RPL37: variants seen among roughly 807,000 people sequenced by gnomAD.
The protein encoded by RPL37 is ribosomal protein L37.
In RPL37, 1 loss-of-function variant was observed where a neutral mutation model predicts 14.8. The observed-to-expected ratio is 0.07, with a 90% confidence interval of 0.02 to 0.32. The LOEUF (loss-of-function observed/expected upper bound fraction) is 0.32, where lower values mean the gene tolerates loss of function less well. Among genes scored for constraint, RPL37 ranks in the 10% least tolerant of loss-of-function variants. The pLI is 1.00. For synonymous variants in RPL37, 53 were observed against 45.8 expected (o/e 1.16, Z -0.63); for missense variants, 100 against 128.3 (o/e 0.78, Z 1.06).
intron 3 of RPL37, among the ~76,000 whole-genome samples, chr5:40,833,422 C>A (rs887421272): frequency 3.2e-4 from 48 of 152,180 alleles, no homozygotes; most frequent in African/African-American, 1.1e-3. Flanking sequence ...TAGCTGAGAT[C>A]TTAGATGGGT....
rs1374428847 is a variant in RPL37 at position 40,831,129 on chromosome 5, A to T, written c.*1375T>A. 4 of 152,164 alleles carry T rather than the reference A, an allele frequency of 2.6e-5. No individual in the cohort carries two copies. The highest frequency in any genetic ancestry group is 9.7e-5 in the African/African-American group (4 of 41,428). The allele number at this position is 152,164 out of a possible 1,614,324, so 9.4% of individuals were successfully genotyped here. On this transcript the variant is annotated 3_prime_UTR_variant, in exon 4 of 4. Transcript: ENST00000274242. Reference sequence around the variant, plus strand: ...GTGAATCTCCATCTCTACAAAAAACACAAAAATTAGCCAGGTGTGGTGGTG... The same window carrying T: ...GTGAATCTCCATCTCTACAAAAAACTCAAAAATTAGCCAGGTGTGGTGGTG...
At chr5:40,832,613 C>T (rs777601612) in intron 3 of RPL37, 40 bp from the exon 4 acceptor site, 2 of 1,460,260 alleles carry the variant, frequency 1.4e-6, no homozygotes, top group African/African-American at 1.4e-5. Context: ...ACTTCAGCAA[C>T]ATCGATGCAT....
At chr5:40,834,388 C>T (rs1745716371) in intron 2 of RPL37, 83 bp downstream of exon 2, 1 of 1,581,916 alleles carries the variant, frequency 6.3e-7, no homozygotes, top group South Asian at 1.1e-5. Flanking sequence ...AAGATAGGCA[C>T]CAAATAAAGT....
In RPL37 at chr5:40,828,915, C is replaced by G. The variant is rs1211261801; in HGVS notation, c.*3589G>C. On this transcript the variant is annotated 3_prime_UTR_variant, in exon 4 of 4. Coordinates refer to ENST00000274242, the MANE Select transcript of RPL37 (RefSeq NM_000997.5). Reference sequence around the variant, plus strand: ...CTTCTCCCTCTCTCCACTTCTGTCTCCAATGGACATCTCCCCAAATCTTAC... The same window carrying G: ...CTTCTCCCTCTCTCCACTTCTGTCTGCAATGGACATCTCCCCAAATCTTAC... 2 of 152,198 alleles carry G rather than the reference C, an allele frequency of 1.3e-5. No individual in the cohort carries two copies. The highest frequency in any genetic ancestry group is 1.5e-5 in the Non-Finnish European group (1 of 68,044). The allele number at this position is 152,198 out of a possible 1,614,324, so 9.4% of individuals were successfully genotyped here. A position where few individuals can be genotyped will look rare whatever the true frequency, so the allele number is the denominator to read the frequency against.
chr5:40,826,771 G>C lies in RPL37; in HGVS notation c.*5733C>G, dbSNP rs1241853645. The C allele has an allele frequency of 6.6e-6, 1 of 152,100 alleles. No individual in the cohort carries two copies. Among genetic ancestry groups the C allele is most frequent in the African/African-American group, 2.4e-5 (1 of 41,376 alleles). 9.4% of individuals were successfully genotyped at this position (152,100 alleles called of 1,614,324 possible). On this transcript the variant is annotated 3_prime_UTR_variant, in exon 4 of 4. Transcript: ENST00000274242. ...CCTCAGGACTGAGGCTGGATACTAA[G>C]GGTTAGGAAAGAATTACAGACTTTT... is the stretch of plus-strand genomic sequence containing the variant.
At position 40,826,724 on chromosome 5, in the gene RPL37, T is replaced by C. The variant is rs929357644; in HGVS notation, c.*5780A>G. ...CACTCAGGAGAGAGCCGGCATAAAA[T>C]AGCCCCCAGAGGTAAAGAAAACCTC... On this transcript the variant is annotated 3_prime_UTR_variant, in exon 4 of 4. Coordinates refer to ENST00000274242, the MANE Select transcript of RPL37 (RefSeq NM_000997.5). The C allele has an allele frequency of 6.6e-6, 1 of 152,198 alleles. No homozygotes were observed. Among genetic ancestry groups the C allele is most frequent in the Non-Finnish European group, 1.5e-5 (1 of 68,062 alleles). The allele number at this position is 152,198 out of a possible 1,614,324, so 9.4% of individuals were successfully genotyped here. A position where few individuals can be genotyped will look rare whatever the true frequency, so the allele number is the denominator to read the frequency against.
Position 40,828,070 on chromosome 5 carries a change from C to T in RPL37, c.*4434G>A, listed in dbSNP as rs1172933954. ...AATAATTCTGTAATGTATTGCTTTG[C>T]TTTTCTTACATGAAGTTATGCTATT... On this transcript the variant is annotated 3_prime_UTR_variant, in exon 4 of 4. Transcript: ENST00000274242. The T allele has an allele frequency of 6.6e-6, 1 of 152,146 alleles. No homozygotes were observed. The highest frequency in any genetic ancestry group is 1.5e-5 in the Non-Finnish European group (1 of 68,020). 9.4% of individuals were successfully genotyped at this position (152,146 alleles called of 1,614,324 possible). A position where few individuals can be genotyped will look rare whatever the true frequency, so the allele number is the denominator to read the frequency against.
chr5:40,834,646 C>T, intron 1 of RPL37, 40 bp from the exon 2 acceptor site: 1 of 1,555,714 alleles, frequency 6.4e-7, no homozygotes, highest in African/African-American at 1.4e-5. Flanking sequence ...AACCTGGCAA[C>T]TTCTAGATTT....
intron 2 of RPL37, 101 bp downstream of exon 2, chr5:40,834,370 C>CA: frequency 6.4e-7 from 1 of 1,569,292 alleles, no homozygotes; most frequent in Non-Finnish European, 8.7e-7. Context: ...TACAGATGTA[C>CA]GAGTTTTAAG....
intron 3 of RPL37, among the ~76,000 whole-genome samples, chr5:40,833,503 C>A (rs1484517349): frequency 6.6e-6 from 1 of 152,188 alleles, no homozygotes; most frequent in Non-Finnish European, 1.5e-5. Context: ...TGAGATTCTG[C>A]ATTTATAACT....
intron 1 of RPL37, 62 bp from the exon 2 acceptor site, chr5:40,834,668 C>T (rs1197065591): frequency 2.6e-6 from 4 of 1,518,526 alleles, no homozygotes; most frequent in Admixed American, 2.2e-5. Flanking sequence ...CTCGAGTTCT[C>T]CGGGAAACCA....
chr5:40,834,232 G>A lies in RPL37; in HGVS notation c.173C>T (p.Thr58Ile). 6.2e-7 allele frequency: 1 copy of A among 1,614,128 alleles called. No individual in the cohort carries two copies. The highest frequency in any genetic ancestry group is 8.5e-7 in the Non-Finnish European group (1 of 1,179,994). Residue 58 changes from threonine to isoleucine, a missense_variant, in exon 3 of 4, where the codon ACC (threonine) becomes ATC (isoleucine). Transcript: ENST00000274242. ...NWSAKAKRRN[T>I]TGTGRMRHLK... ...GTGCCTCATTCGACCAGTTCCGGTGGTATTTCGTCTTTTAGCCTTGGCACT... is the reference window on the plus strand; with the variant it reads ...GTGCCTCATTCGACCAGTTCCGGTGATATTTCGTCTTTTAGCCTTGGCACT...
chr5:40,832,152 A>G lies in RPL37; in HGVS notation c.*352T>C, dbSNP rs115426620. ...AGCAGATGAACATGTTGCTAAAGGT[A>G]ATTTAAACATCATACTCTTTCAAAT... On this transcript the variant is annotated 3_prime_UTR_variant, in exon 4 of 4. Coordinates refer to ENST00000274242, the MANE Select transcript of RPL37 (RefSeq NM_000997.5). 1.8e-3 allele frequency: 450 copies of G among 253,194 alleles called. 1 individual carries two copies. Among genetic ancestry groups the G allele is most frequent in the African/African-American group, 9.6e-3 (440 of 46,024 alleles). The allele number at this position is 253,194 out of a possible 1,614,324, so 15.7% of individuals were successfully genotyped here. A position where few individuals can be genotyped will look rare whatever the true frequency, so the allele number is the denominator to read the frequency against.
chr5:40,834,705 G>C (rs781083407), intron 1 of RPL37, 99 bp from the exon 2 acceptor site: 45 of 1,373,322 alleles, frequency 3.3e-5, no homozygotes, highest in Non-Finnish European at 4.2e-5. Context: ...AAAGGCAATC[G>C]TAAAGATCGA....
intron 3 of RPL37, 160 bp from the exon 4 acceptor site, chr5:40,832,733 G>GCTGATCA (rs1561208380): frequency 4.0e-6 from 3 of 754,110 alleles, no homozygotes; most frequent in Middle Eastern, 2.4e-4. Context: ...TCACTGATAA[G>GCTGATCA]CTGAAATTCT....
chr5:40,833,567 A>G lies in RPL37; in HGVS notation c.224+614T>C, dbSNP rs551681386. ...CCAAGGCAACAGCAGCAACCAGGGCAATTTTCTACAGCACTCTTGCCCACA... is the reference window on the plus strand; with the variant it reads ...CCAAGGCAACAGCAGCAACCAGGGCGATTTTCTACAGCACTCTTGCCCACA... On this transcript the variant is annotated intron_variant, in intron 3 of 3. Transcript: ENST00000274242. 2.0e-4 allele frequency among the ~76,000 whole-genome samples: 30 copies of G among 152,328 alleles called. No individual in the cohort carries two copies. The South Asian group carries it at 5.8e-3, about 29-fold the overall frequency.
In RPL37 at chr5:40,825,345, A is replaced by T. The variant is rs1319058346; in HGVS notation, c.*7159T>A. The T allele has an allele frequency of 1.3e-5, 1 of 75,120 alleles. No homozygotes were observed. The highest frequency in any genetic ancestry group is 4.5e-5 in the African/African-American group (1 of 22,182). 4.7% of individuals were successfully genotyped at this position (75,120 alleles called of 1,614,324 possible). ...TATTACCAAAGAAATACATAACTTT[A>T]ACAGATAATCTCTGTATCTTAGTTT... On this transcript the variant is annotated 3_prime_UTR_variant, in exon 4 of 4. Transcript: ENST00000274242.
In RPL37 at chr5:40,832,165, T is replaced by C. The variant is rs1745654317; in HGVS notation, c.*339A>G. On this transcript the variant is annotated 3_prime_UTR_variant, in exon 4 of 4. Coordinates refer to ENST00000274242, the MANE Select transcript of RPL37 (RefSeq NM_000997.5). Reference sequence around the variant, plus strand: ...GTTGCTAAAGGTAATTTAAACATCATACTCTTTCAAATTTACTCAAACATC... The same window carrying C: ...GTTGCTAAAGGTAATTTAAACATCACACTCTTTCAAATTTACTCAAACATC... 3.7e-6 allele frequency: 1 copy of C among 273,398 alleles called. No homozygotes were observed. The highest frequency in any genetic ancestry group is 7.4e-5 in the East Asian group (1 of 13,466). The allele number at this position is 273,398 out of a possible 1,614,324, so 16.9% of individuals were successfully genotyped here.
chr5:40,834,897 A>G, intron 1 of RPL37: 1 of 608,468 alleles, frequency 1.6e-6, no homozygotes, highest in Non-Finnish European at 2.9e-6. Flanking sequence ...ACATTCCCAA[A>G]CTCCTTCCCT....
Sources: allele counts gnomAD v4.1 joint callset (sites outside exome capture counted in the v4.1 genomes callset), GRCh38; gene constraint gnomAD v4.1.1; transcripts MANE v1.5; gene names NCBI Gene and HGNC (gene_info 2026-07-23, HGNC 2026-07-21).